Variants in SOX5 observed in about 807,000 individuals in gnomAD.
The protein encoded by SOX5 is SRY-box transcription factor 5.
In SOX5, 9 loss-of-function variants were observed where a neutral mutation model predicts 92.0. That is an observed-to-expected ratio of 0.10 (90% CI 0.06 to 0.17). SOX5 has a LOEUF of 0.17. Ranked by LOEUF, SOX5 falls within the 10% of genes least tolerant of loss-of-function variation. SOX5 has a pLI of 1.00. For missense variants in SOX5, 642 were observed against 944.5 expected, an observed-to-expected ratio of 0.68 and a Z score of 4.20; for synonymous variants, 344 against 336.3, an observed-to-expected ratio of 1.02 and a Z score of -0.25.
At chr12:24,017,461 G>A (rs563185685) in intron 4 of SOX5, among the ~76,000 whole-genome samples, 2 of 152,004 alleles carry the variant, frequency 1.3e-5, no homozygotes, top group South Asian at 2.1e-4. Flanking sequence ...TTAGCAGAGC[G>A]TGGTGGTGCA....
At position 24,127,406 on chromosome 12, in the gene SOX5, G is replaced by GATAATA. The variant is rs35206737; in HGVS notation, c.-2+85931_-2+85936dup. Among the ~76,000 whole-genome samples the GATAATA allele has an allele frequency of 4.6e-3, 674 of 147,156 alleles. 2 individuals are homozygous for GATAATA. The highest frequency in any genetic ancestry group is 9.8e-3 in the African/African-American group (395 of 40,268). On this transcript the variant is annotated intron_variant, in intron 4 of 4. Transcript: ENST00000446891. ...ACCCTATCTCAATAATAATAATAAT[G>GATAATA]ATAATAATAATAATAATAATAATAC...
chr12:23,817,605 C>A (rs1470968075), intron 3 of SOX5, among the ~76,000 whole-genome samples: 1 of 152,120 alleles, frequency 6.6e-6, no homozygotes, highest in Non-Finnish European at 1.5e-5. Context: ...GCACTTAAAG[C>A]AAATTGGCTA....
At chr12:23,847,866 G>T (rs565732837) in intron 2 of SOX5, among the ~76,000 whole-genome samples, 5 of 151,968 alleles carry the variant, frequency 3.3e-5, no homozygotes, top group Non-Finnish European at 5.9e-5. Flanking sequence ...ACAAACTCCC[G>T]CACGTTAAGT....
At chr12:24,543,246 G>T (rs892446101) in intron 1 of SOX5, among the ~76,000 whole-genome samples, 14 of 152,162 alleles carry the variant, frequency 9.2e-5, no homozygotes, top group Admixed American at 3.3e-4. Context: ...GTAAGGGTAA[G>T]GACCAAATCT....
At chr12:23,746,168 T>A (rs1343768911) in intron 4 of SOX5, among the ~76,000 whole-genome samples, 1 of 152,144 alleles carries the variant, frequency 6.6e-6, no homozygotes, top group South Asian at 2.1e-4. Context: ...TTCTTCATGA[T>A]CATCCCCAAG....
At chr12:24,113,900 C>A (rs1014353273) in intron 4 of SOX5, among the ~76,000 whole-genome samples, 2 of 152,180 alleles carry the variant, frequency 1.3e-5, no homozygotes, top group African/African-American at 4.8e-5. Context: ...AATCAAATCC[C>A]CTCCCACTCA....
At chr12:24,107,919 T>C (rs1946867766) in intron 4 of SOX5, among the ~76,000 whole-genome samples, 1 of 152,172 alleles carries the variant, frequency 6.6e-6, no homozygotes, top group Non-Finnish European at 1.5e-5. Flanking sequence ...GCCAAGTGAA[T>C]GGTTAAGTAA....
intron 2 of SOX5, among the ~76,000 whole-genome samples, chr12:23,881,636 T>C (rs1435066907): frequency 3.9e-5 from 6 of 152,228 alleles, no homozygotes; most frequent in Admixed American, 2.0e-4. Context: ...CTAGGAAAGA[T>C]AGTTTTCAAA....
intron 4 of SOX5, among the ~76,000 whole-genome samples, chr12:24,047,433 T>G (rs746992179): frequency 3.3e-5 from 5 of 152,218 alleles, no homozygotes; most frequent in Admixed American, 1.3e-4. Flanking sequence ...GGGAACATGA[T>G]GAAATGATGA....
At chr12:23,900,728 C>T (rs1421540276) in intron 1 of SOX5, among the ~76,000 whole-genome samples, 2 of 152,110 alleles carry the variant, frequency 1.3e-5, no homozygotes, top group East Asian at 3.9e-4. Flanking sequence ...GTAATCCCAG[C>T]ACTCTGGGAG....
chr12:24,045,790 C>A lies in SOX5; in HGVS notation c.-1-149766G>T, dbSNP rs553471597. ...AAATTATCCCTCTGTACAGGGGAATCCTTTACACATTTCAGTGTAGGATTC... is the reference window on the plus strand; with the variant it reads ...AAATTATCCCTCTGTACAGGGGAATACTTTACACATTTCAGTGTAGGATTC... On this transcript the variant is annotated intron_variant, in intron 4 of 4. Transcript: ENST00000446891. Among the ~76,000 whole-genome samples, 20 of 152,324 alleles carry A rather than the reference C, an allele frequency of 1.3e-4. 1 individual carries two copies. The South Asian group carries it at 4.1e-3, about 32-fold the overall frequency.
At chr12:24,317,424 T>G (rs2140872273) in intron 2 of SOX5, among the ~76,000 whole-genome samples, 1 of 152,344 alleles carries the variant, frequency 6.6e-6, no homozygotes, top group South Asian at 2.1e-4. Context: ...TATACCCTTG[T>G]CAACACTGCC....
In SOX5 at chr12:23,922,839, G is replaced by A. The variant is rs548038629; in HGVS notation, c.38+26725C>T. Among the ~76,000 whole-genome samples, 3 of 152,222 alleles carry A rather than the reference G, an allele frequency of 2.0e-5. No individual in the cohort carries two copies. In the East Asian group the frequency reaches 5.8e-4, roughly 29 times the overall value. The stretch of plus-strand genomic sequence containing the variant: ...CACAATCTAGTGACATTGCAGTCTC[G>A]TGAGGAAAAACAACTGGTAAACATA... On this transcript the variant is annotated intron_variant, in intron 1 of 14. Coordinates refer to ENST00000451604, the MANE Select transcript of SOX5 (RefSeq NM_006940.6).
chr12:23,776,632 G>T (rs781055938), intron 3 of SOX5, among the ~76,000 whole-genome samples: 72 of 152,124 alleles, frequency 4.7e-4, no homozygotes, highest in Admixed American at 8.5e-4. Flanking sequence ...TTTTTAACAG[G>T]GGGATGGTGG....
At chr12:24,289,285 A>G (rs1324553579) in intron 2 of SOX5, among the ~76,000 whole-genome samples, 1 of 151,626 alleles carries the variant, frequency 6.6e-6, no homozygotes, top group African/African-American at 2.4e-5. Context: ...TGTCTCAAAA[A>G]AAAAACAAAA....
At chr12:24,330,137 T>A (rs1951138236) in intron 2 of SOX5, among the ~76,000 whole-genome samples, 1 of 151,564 alleles carries the variant, frequency 6.6e-6, no homozygotes, top group African/African-American at 2.4e-5. Flanking sequence ...AAGAAAAACA[T>A]ACCTTCAACA....
intron 2 of SOX5, among the ~76,000 whole-genome samples, chr12:24,286,354 T>G (rs1166337704): frequency 1.3e-5 from 2 of 152,160 alleles, no homozygotes; most frequent in East Asian, 3.8e-4. Flanking sequence ...ATAGTGTGCA[T>G]GACAATTGTG....
intron 1 of SOX5, among the ~76,000 whole-genome samples, chr12:24,422,678 GCCAA>G: frequency 6.6e-6 from 1 of 152,248 alleles, no homozygotes; most frequent in African/African-American, 2.4e-5. Flanking sequence ...ATTGCTTGAG[GCCAA>G]CCAAATTAGT....
intron 1 of SOX5, among the ~76,000 whole-genome samples, chr12:24,457,543 G>T (rs1471759320): frequency 6.6e-6 from 1 of 152,114 alleles, no homozygotes; most frequent in Non-Finnish European, 1.5e-5. Flanking sequence ...TTCATAGTAA[G>T]ATAAGCCTTT....
Sources: gnomAD v4.1 joint callset for allele counts (sites outside exome capture counted in the v4.1 genomes callset) on GRCh38, gnomAD v4.1.1 for gene constraint, MANE v1.5 for transcripts, NCBI Gene and HGNC (gene_info 2026-07-23, HGNC 2026-07-21) for gene names.